EYA2: variants seen among roughly 807,000 people sequenced by gnomAD.
EYA2 encodes the protein EYA transcriptional coactivator and phosphatase 2.
A neutral mutation model predicts 69.2 loss-of-function variants in EYA2; 31 were observed. The observed-to-expected ratio is 0.45, with a 90% CI of 0.34 to 0.60. EYA2 has a LOEUF of 0.60. Among genes scored for constraint, EYA2 ranks in the 20% least tolerant of loss-of-function variants. The pLI is 0.02. For missense variants in EYA2, 622 were observed against 701.2 expected, an observed-to-expected ratio of 0.89 and a Z score of 1.28; for synonymous variants, 257 against 279.4, an observed-to-expected ratio of 0.92 and a Z score of 0.80.
intron 1 of EYA2, among the ~76,000 whole-genome samples, chr20:46,961,963 A>G (rs181122512): frequency 6.6e-6 from 1 of 152,372 alleles, no homozygotes; most frequent in East Asian, 1.9e-4. Context: ...TAATAGGATG[A>G]CTACAACTAA....
rs2034699176 is a variant in EYA2 at position 47,188,693 on chromosome 20, A to G, written c.*560A>G. The G allele has an allele frequency of 4.2e-6, 1 of 235,986 alleles. No individual in the cohort carries two copies. Among genetic ancestry groups the G allele is most frequent in the African/African-American group, 2.3e-5 (1 of 44,404 alleles). 14.6% of individuals were successfully genotyped at this position (235,986 alleles called of 1,614,324 possible). On this transcript the variant is annotated 3_prime_UTR_variant, in exon 16 of 16. Coordinates refer to ENST00000327619, the MANE Select transcript of EYA2 (RefSeq NM_005244.5). ...CAAGCTGTTGAAAAGACTATTGCTT[A>G]TTTTTGTTTTTAAAGACCTACTTGA...
At chr20:46,952,098 C>CT (rs1600575074) in intron 1 of EYA2, among the ~76,000 whole-genome samples, 1 of 152,056 alleles carries the variant, frequency 6.6e-6, no homozygotes, top group African/African-American at 2.4e-5. Flanking sequence ...TGAATGTGTC[C>CT]GGGGGTGAGA....
intron 3 of EYA2, among the ~76,000 whole-genome samples, chr20:47,003,468 A>G (rs1184860473): frequency 1.3e-5 from 2 of 152,202 alleles, no homozygotes; most frequent in East Asian, 3.9e-4. Context: ...AATCCAGCTG[A>G]TAGCACCACA....
intron 9 of EYA2, among the ~76,000 whole-genome samples, chr20:47,125,116 C>A (rs899353071): frequency 7.1e-6 from 1 of 140,738 alleles, no homozygotes; most frequent in Non-Finnish European, 1.5e-5. Context: ...TGCAGTGGCA[C>A]TATCTCGGCT....
At chr20:47,161,928 G>C (rs1297542051) in intron 10 of EYA2, among the ~76,000 whole-genome samples, 1 of 152,226 alleles carries the variant, frequency 6.6e-6, no homozygotes, top group Non-Finnish European at 1.5e-5. Flanking sequence ...AAGTCCCACA[G>C]ACTGGGTGCC....
intron 1 of EYA2, among the ~76,000 whole-genome samples, chr20:46,971,022 G>A (rs550939514): frequency 6.6e-6 from 1 of 152,042 alleles, no homozygotes; most frequent in East Asian, 1.9e-4. Context: ...GTTTAGGAAA[G>A]CTCATTAGAT....
chr20:47,006,173 G>A (rs1006681616), intron 4 of EYA2, among the ~76,000 whole-genome samples: 4 of 152,186 alleles, frequency 2.6e-5, no homozygotes, highest in African/African-American at 9.7e-5. Flanking sequence ...AGGACTTCCT[G>A]CAGAGTCCCA....
At chr20:47,002,322 A>G (rs1982433261) in intron 3 of EYA2, among the ~76,000 whole-genome samples, 1 of 152,052 alleles carries the variant, frequency 6.6e-6, no homozygotes, top group African/African-American at 2.4e-5. Flanking sequence ...TAAATTCGAC[A>G]TGCATTAGCT....
chr20:47,155,629 C>T (rs375834894), intron 10 of EYA2, among the ~76,000 whole-genome samples: 7 of 152,008 alleles, frequency 4.6e-5, no homozygotes, highest in East Asian at 2.0e-4. Context: ...CCAGGCATTG[C>T]GCATGAACCA....
intron 5 of EYA2, among the ~76,000 whole-genome samples, chr20:47,019,608 C>A (rs909604409): frequency 6.6e-6 from 1 of 152,050 alleles, no homozygotes. Context: ...GGCTTATGAA[C>A]TTTTAGGCCT....
At chr20:47,114,215 G>A (rs79053630) in intron 9 of EYA2, among the ~76,000 whole-genome samples, 2,738 of 152,334 alleles carry the variant, frequency 0.018, 86 homozygotes, top group African/African-American at 0.062. Context: ...GGCTCACCTC[G>A]CTGAAGTGCC....
chr20:46,960,053 T>G (rs549956850), intron 1 of EYA2, among the ~76,000 whole-genome samples: 1 of 152,322 alleles, frequency 6.6e-6, no homozygotes, highest in South Asian at 2.1e-4. Flanking sequence ...CTGGCCAGAT[T>G]CAGGCTAGGT....
At chr20:46,895,577 C>T (rs1239474050) in intron 1 of EYA2, among the ~76,000 whole-genome samples, 1 of 152,184 alleles carries the variant, frequency 6.6e-6, no homozygotes, top group African/African-American at 2.4e-5. Context: ...GGAATCCTGG[C>T]GCCTGCTGCG....
intron 1 of EYA2, among the ~76,000 whole-genome samples, chr20:46,916,170 G>A (rs142261361): frequency 5.3e-4 from 81 of 152,178 alleles, no homozygotes; most frequent in African/African-American, 1.8e-3. Flanking sequence ...CCATCCCTGC[G>A]TGCCAAGGCC....
intron 8 of EYA2, among the ~76,000 whole-genome samples, chr20:47,092,177 C>A (rs146976567): frequency 2.6e-5 from 4 of 152,102 alleles, no homozygotes; most frequent in Non-Finnish European, 5.9e-5. Context: ...TCTGATCACC[C>A]TGGAAGATAT....
chr20:47,148,013 C>T (rs1970964), intron 10 of EYA2, among the ~76,000 whole-genome samples: 28,189 of 146,512 alleles, frequency 0.19, 2,892 homozygotes, highest in Middle Eastern at 0.29. Flanking sequence ...GAGCAGAGAT[C>T]GCCCCACTGT....
chr20:47,012,875 A>G (rs903618029), intron 4 of EYA2, among the ~76,000 whole-genome samples: 3 of 152,228 alleles, frequency 2.0e-5, no homozygotes, highest in Admixed American at 6.5e-5. Flanking sequence ...AGTTGCTGCA[A>G]AAGTTTCAGG....
chr20:46,912,703 T>C (rs201236182), intron 1 of EYA2, among the ~76,000 whole-genome samples: 3 of 145,382 alleles, frequency 2.1e-5, no homozygotes, highest in African/African-American at 7.5e-5. Flanking sequence ...TTTTTTTTTC[T>C]TTTTTTTTGA....
At chr20:47,057,492 C>T (rs2030684000) in intron 5 of EYA2, among the ~76,000 whole-genome samples, 1 of 149,424 alleles carries the variant, frequency 6.7e-6, no homozygotes, top group Non-Finnish European at 1.5e-5. Flanking sequence ...ACATTATCTG[C>T]TGACTACTTT....
Sources: allele counts gnomAD v4.1 joint callset (sites outside exome capture counted in the v4.1 genomes callset), GRCh38; gene constraint gnomAD v4.1.1; transcripts MANE v1.5; gene names NCBI Gene and HGNC (gene_info 2026-07-23, HGNC 2026-07-21).